Variants in DHX34 observed in about 807,000 individuals in gnomAD.
The protein encoded by DHX34 is DExH-box helicase 34.
Under a neutral mutation model 111.1 loss-of-function variants are expected in DHX34, and 96 were observed. That is an observed-to-expected ratio of 0.86 (90% CI 0.73 to 1.02). The LOEUF is 1.02. DHX34 is among the 50% of genes least tolerant of loss of function. The pLI is 0.00. For missense variants in DHX34, 1,560 were observed against 1,579.9 expected (o/e 0.99, Z 0.21); for synonymous variants, 688 against 670.4 (o/e 1.03, Z -0.41).
chr19:47,376,168 G>T, intron 11 of DHX34, 71 bp downstream of exon 11: 1 of 1,511,920 alleles, frequency 6.6e-7, no homozygotes, highest in Non-Finnish European at 8.8e-7. Flanking sequence ...GTCCTGTGCC[G>T]GGAATGCAGT....
intron 1 of DHX34, among the ~76,000 whole-genome samples, chr19:47,349,683 CGA>C (rs1279627275): frequency 1.3e-5 from 2 of 151,990 alleles, no homozygotes; most frequent in East Asian, 3.9e-4. Flanking sequence ...TGGGTTCCAG[CGA>C]GAGTCTTAGA....
chr19:47,357,531 AG>A (rs1394133918), intron 3 of DHX34, among the ~76,000 whole-genome samples: 2 of 152,170 alleles, frequency 1.3e-5, no homozygotes, highest in African/African-American at 4.8e-5. Context: ...CAAGCAGTGG[AG>A]AAGACTACTA....
At chr19:47,376,363 G>C in intron 11 of DHX34, 80 bp from the exon 12 acceptor site, 1 of 1,552,640 alleles carries the variant, frequency 6.4e-7, no homozygotes, top group Non-Finnish European at 8.7e-7. Flanking sequence ...GGGAACCTGG[G>C]CCAGAGGGTG....
chr19:47,369,646 G>T (rs1441410062), intron 7 of DHX34, among the ~76,000 whole-genome samples: 1 of 152,232 alleles, frequency 6.6e-6, no homozygotes, highest in African/African-American at 2.4e-5. Context: ...GGTGGGCACA[G>T]TGGGGGCTGG....
intron 7 of DHX34, among the ~76,000 whole-genome samples, chr19:47,367,895 CAA>C (rs1226350533): frequency 1.1e-4 from 5 of 46,170 alleles, no homozygotes; most frequent in African/African-American, 3.3e-4. Context: ...GACTCCATCT[CAA>C]AAAAAAAAAA....
chr19:47,377,973 C>T (rs758210351), intron 13 of DHX34, among the ~76,000 whole-genome samples: 22 of 152,128 alleles, frequency 1.4e-4, no homozygotes, highest in Non-Finnish European at 2.2e-4. Flanking sequence ...GGAGTCCTCA[C>T]GCAGCCCTGT....
chr19:47,351,118 C>T (rs1969270581), intron 1 of DHX34, among the ~76,000 whole-genome samples: 1 of 151,636 alleles, frequency 6.6e-6, no homozygotes, highest in South Asian at 2.1e-4. Context: ...TCAGTGGGGC[C>T]CAGCATGCAT....
chr19:47,381,152 C>T lies in DHX34; in HGVS notation c.3160-34C>T, dbSNP rs113013381. On this transcript the variant is annotated intron_variant, in intron 15 of 16. Coordinates refer to ENST00000328771, the MANE Select transcript of DHX34 (RefSeq NM_014681.6). ...CACTTGGGTGGTGGGTGGCACTTGG[C>T]GGGGGCCCAGCCCTGACAGCTGGCC... The T allele has an allele frequency of 3.7e-4, 596 of 1,608,030 alleles. 1 individual carries two copies. In the African/African-American group the frequency reaches 6.8e-3, roughly 18 times the overall value.
intron 13 of DHX34, among the ~76,000 whole-genome samples, chr19:47,378,382 A>T (rs1266084282): frequency 6.6e-6 from 1 of 152,196 alleles, no homozygotes; most frequent in Non-Finnish European, 1.5e-5. Context: ...ATAGGATGGT[A>T]GAGGCAGACG....
intron 6 of DHX34, among the ~76,000 whole-genome samples, chr19:47,363,293 G>C (rs556927609): frequency 1.3e-5 from 2 of 152,036 alleles, no homozygotes; most frequent in South Asian, 4.2e-4. Context: ...GTCTTGCTAT[G>C]TTGCCCAGGC....
rs1195257480 is a variant in DHX34 at position 47,379,863 on chromosome 19, C to T, written c.2860C>T (p.Leu954=). 1.9e-6 allele frequency: 3 copies of T among 1,613,742 alleles called. No individual in the cohort carries two copies. The highest frequency in any genetic ancestry group is 4.5e-5 in the East Asian group (2 of 44,874). Residue 954 remains leucine (L), a synonymous_variant, in exon 14 of 17, where the codon CTG becomes TTG. Coordinates refer to ENST00000328771, the MANE Select transcript of DHX34 (RefSeq NM_014681.6). The part of the protein sequence containing the change: ...LRLRARWESA[L]DRQLAHQAQQ... Reference sequence around the variant, plus strand: ...GCTCCGTGCCCGCTGGGAAAGTGCCCTGGACCGGCAGCTGGCGCACCAGGC... The same window carrying T: ...GCTCCGTGCCCGCTGGGAAAGTGCCTTGGACCGGCAGCTGGCGCACCAGGC...
At chr19:47,377,535 G>A (rs1456754194) in intron 13 of DHX34, among the ~76,000 whole-genome samples, 1 of 152,140 alleles carries the variant, frequency 6.6e-6, no homozygotes, top group African/African-American at 2.4e-5. Context: ...CCTGAGCGAC[G>A]TGTGGGAGGG....
intron 9 of DHX34, chr19:47,375,260 T>TGCCCCTG (rs1970098704): frequency 1.0e-6 from 1 of 984,604 alleles, no homozygotes; most frequent in African/African-American, 1.7e-5. Context: ...TGCCTCCTCT[T>TGCCCCTG]GCCCCTGGCC....
chr19:47,364,852 TC>T (rs1969742272), intron 6 of DHX34, among the ~76,000 whole-genome samples: 1 of 151,922 alleles, frequency 6.6e-6, no homozygotes, highest in African/African-American at 2.4e-5. Context: ...AGTAGTAGAG[TC>T]AGGGCTCCAT....
rs372372212 is a variant in DHX34 at position 47,381,801 on chromosome 19, C to T, written c.3299-179C>T. 2.6e-5 allele frequency: 24 copies of T among 921,636 alleles called. No individual in the cohort carries two copies. In the East Asian group the frequency reaches 5.9e-4, roughly 23 times the overall value. 57.1% of individuals were successfully genotyped at this position (921,636 alleles called of 1,614,324 possible). Reference sequence around the variant, plus strand: ...TCTGTCTCTCTCACTGGCAGGGATGCGGAGTAAAGACAGACCTGTGTATTT... The same window carrying T: ...TCTGTCTCTCTCACTGGCAGGGATGTGGAGTAAAGACAGACCTGTGTATTT... On this transcript the variant is annotated intron_variant, in intron 16 of 16. Coordinates refer to ENST00000328771, the MANE Select transcript of DHX34 (RefSeq NM_014681.6).
intron 7 of DHX34, 52 bp from the exon 8 acceptor site, chr19:47,372,678 G>T (rs946081149): frequency 4.6e-6 from 7 of 1,516,592 alleles, no homozygotes; most frequent in Non-Finnish European, 5.3e-6. Flanking sequence ...AGGGGTGAGG[G>T]CTGCGCCTGT....
intron 5 of DHX34, among the ~76,000 whole-genome samples, chr19:47,360,967 G>T (rs1416129431): frequency 6.6e-6 from 1 of 151,796 alleles, no homozygotes; most frequent in African/African-American, 2.4e-5. Flanking sequence ...ACCACGCCCA[G>T]CCCGACATTC....
intron 3 of DHX34, among the ~76,000 whole-genome samples, 200 bp downstream of exon 3, chr19:47,355,550 C>T (rs902492151): frequency 1.3e-5 from 2 of 152,066 alleles, no homozygotes; most frequent in Non-Finnish European, 2.9e-5. Context: ...AAAGCTGTTA[C>T]AAGAAGACCC....
At position 47,354,931 on chromosome 19, in the gene DHX34, G is replaced by A. The variant is rs1969405216; in HGVS notation, c.706-108G>A. 2.0e-6 allele frequency: 3 copies of A among 1,529,222 alleles called. No individual in the cohort carries two copies. In the Admixed American group the frequency reaches 5.8e-5, roughly 30 times the overall value. The allele number at this position is 1,529,222 out of a possible 1,614,324, so 94.7% of individuals were successfully genotyped here. On this transcript the variant is annotated intron_variant, in intron 2 of 16. Transcript: ENST00000328771. ...TGCCTCCCAAAGTGCTGGGATTACA[G>A]GCGTGAGCCACCGCACCCGGCCTGC...
Sources: allele counts gnomAD v4.1 joint callset (sites outside exome capture counted in the v4.1 genomes callset), GRCh38; gene constraint gnomAD v4.1.1; transcripts MANE v1.5; gene names NCBI Gene and HGNC (gene_info 2026-07-23, HGNC 2026-07-21).